UNC80: variants seen among roughly 807,000 people sequenced by gnomAD.
UNC80 encodes protein unc-80 homolog.
In UNC80, 164 loss-of-function variants were observed where a neutral mutation model predicts 384.6. The observed-to-expected ratio is 0.43, with a 90% CI of 0.38 to 0.49. The LOEUF is 0.49. Among genes scored for constraint, UNC80 ranks in the 20% least tolerant of loss-of-function variants. UNC80 has a pLI of 0.00. For synonymous variants in UNC80, 1,486 were observed against 1,527.8 expected (o/e 0.97, Z 0.64); for missense variants, 3,330 against 4,143.0 (o/e 0.80, Z 5.39).
chr2:209,782,789 A>G (rs1472018530), intron 4 of UNC80, among the ~76,000 whole-genome samples: 2 of 152,134 alleles, frequency 1.3e-5, no homozygotes, highest in Non-Finnish European at 2.9e-5. Context: ...CCTGTTTAAT[A>G]TATTATTAAT....
At chr2:209,859,496 G>A (rs1199226773) in intron 22 of UNC80, among the ~76,000 whole-genome samples, 1 of 152,116 alleles carries the variant, frequency 6.6e-6, no homozygotes, top group Non-Finnish European at 1.5e-5. Context: ...ATAAATATAC[G>A]TGTGCATGTG....
chr2:209,874,702 C>G (rs1369287381), intron 23 of UNC80, among the ~76,000 whole-genome samples: 3 of 152,200 alleles, frequency 2.0e-5, no homozygotes, highest in Non-Finnish European at 1.5e-5. Flanking sequence ...TAACTTACTT[C>G]AGGGTTACAT....
chr2:209,833,797 A>T (rs907805986), intron 16 of UNC80, among the ~76,000 whole-genome samples: 3 of 152,230 alleles, frequency 2.0e-5, no homozygotes, highest in Admixed American at 6.5e-5. Context: ...ACCAAGGATG[A>T]CCAGCAAAGG....
chr2:209,840,675 G>T (rs1559178379), intron 20 of UNC80, 27 bp downstream of exon 20: 2 of 1,529,362 alleles, frequency 1.3e-6, no homozygotes, highest in African/African-American at 1.4e-5. Flanking sequence ...TTGTGTAAGT[G>T]ACTGTTGAAG....
chr2:209,809,696 C>A (rs779958634), intron 7 of UNC80: 1 of 504,102 alleles, frequency 2.0e-6, no homozygotes, highest in Non-Finnish European at 3.5e-6. Flanking sequence ...GAATTCCCTC[C>A]TGAGCGCCCC....
intron 12 of UNC80, among the ~76,000 whole-genome samples, chr2:209,819,482 T>C (rs2079987507): frequency 6.6e-6 from 1 of 152,108 alleles, no homozygotes. Flanking sequence ...CTCAGAATAT[T>C]TTTATAATCC....
intron 48 of UNC80, among the ~76,000 whole-genome samples, chr2:209,955,874 G>A (rs1210806635): frequency 6.6e-6 from 1 of 151,054 alleles, no homozygotes; most frequent in East Asian, 2.0e-4. Flanking sequence ...CTCCCAAAAA[G>A]CTGGGATTAT....
Position 209,973,230 on chromosome 2 carries a change from G to A in UNC80, c.8547G>A (p.Arg2849=), listed in dbSNP as rs968262406. ...GGGATGCGGGGAAAGACTTGCGCAG[G>A]GAAGGGCTGGCTGAGTCCACCAGCC... ...TPGDAGKDLR[R]EGLAESTSQA... The change falls in exon 56 of 65, where the codon AGG becomes AGA. Residue 2849 remains arginine, a synonymous_variant. Coordinates refer to ENST00000673920, the MANE Select transcript of UNC80 (RefSeq NM_001371986.1). 22 of 1,551,542 alleles carry A rather than the reference G, an allele frequency of 1.4e-5. No homozygotes were observed. The highest frequency in any genetic ancestry group is 1.2e-4 in the Admixed American group (6 of 50,986).
intron 33 of UNC80, among the ~76,000 whole-genome samples, chr2:209,921,018 G>A (rs1487627347): frequency 6.6e-6 from 1 of 151,958 alleles, no homozygotes; most frequent in East Asian, 1.9e-4. Flanking sequence ...AGTAGAGATG[G>A]GGTTTCACCA....
intron 28 of UNC80, among the ~76,000 whole-genome samples, chr2:209,902,768 T>G (rs1006210745): frequency 2.6e-5 from 4 of 152,236 alleles, no homozygotes; most frequent in African/African-American, 9.6e-5. Flanking sequence ...CCTAATAGAC[T>G]ATGGTATAGT....
At chr2:209,833,965 T>A in intron 16 of UNC80, 37 bp from the exon 17 acceptor site, 1 of 1,544,672 alleles carries the variant, frequency 6.5e-7, no homozygotes, top group Non-Finnish European at 8.7e-7. Flanking sequence ...CACACAGCTA[T>A]CTTTCTTTCT....
chr2:209,816,818 G>T, intron 9 of UNC80, 91 bp from the exon 10 acceptor site: 1 of 1,174,282 alleles, frequency 8.5e-7, no homozygotes. Flanking sequence ...CACATTTCTT[G>T]TATTTTACTG....
intron 22 of UNC80, among the ~76,000 whole-genome samples, chr2:209,857,144 A>G (rs1033961531): frequency 6.6e-6 from 1 of 152,104 alleles, no homozygotes; most frequent in Non-Finnish European, 1.5e-5. Context: ...ACTCTGTATT[A>G]ATAGTTAGAA....
chr2:209,879,023 C>A (rs886859169), intron 24 of UNC80, among the ~76,000 whole-genome samples: 2 of 151,824 alleles, frequency 1.3e-5, no homozygotes, highest in Non-Finnish European at 2.9e-5. Flanking sequence ...TTCCTTTCCA[C>A]GTTCCTTCCA....
chr2:209,842,301 T>G, intron 20 of UNC80, 49 bp from the exon 21 acceptor site: 1 of 1,381,806 alleles, frequency 7.2e-7, no homozygotes, highest in African/African-American at 1.5e-5. Flanking sequence ...CCACAAAGAT[T>G]TACCTTTGAA....
rs115606549 is a variant in UNC80 at position 209,993,241 on chromosome 2, A to T, written c.9397-74A>T. ...AACAACCATAAGAATCCACAGAAAC[A>T]TATAAATAAAGAAACAATTTCCTCC... On this transcript the variant is annotated intron_variant, in intron 62 of 64. Coordinates refer to ENST00000673920, the MANE Select transcript of UNC80 (RefSeq NM_001371986.1). 4,558 of 1,144,694 alleles carry T rather than the reference A, an allele frequency of 4.0e-3. 165 individuals carry two copies. The African/African-American group carries it at 0.064, about 16-fold the overall frequency. The allele number at this position is 1,144,694 out of a possible 1,614,324, so 70.9% of individuals were successfully genotyped here.
At chr2:209,786,333 T>C (rs564158030) in intron 5 of UNC80, 144 bp downstream of exon 5, 1 of 1,069,698 alleles carries the variant, frequency 9.3e-7, no homozygotes, top group South Asian at 2.2e-5. Flanking sequence ...ATATAGGGCT[T>C]ACTCACATGA....
chr2:209,903,301 A>T (rs1315704076), intron 28 of UNC80, among the ~76,000 whole-genome samples: 3 of 104,310 alleles, frequency 2.9e-5, no homozygotes, highest in Non-Finnish European at 3.8e-5. Flanking sequence ...GTGTATATAC[A>T]ATATATATAT....
intron 22 of UNC80, among the ~76,000 whole-genome samples, chr2:209,868,563 T>C (rs1263305679): frequency 1.3e-5 from 2 of 152,148 alleles, no homozygotes; most frequent in Non-Finnish European, 2.9e-5. Context: ...TCTGCCTCAC[T>C]TTCATAAAGG....
Sources: gnomAD v4.1 joint callset for allele counts (sites outside exome capture counted in the v4.1 genomes callset) on GRCh38, gnomAD v4.1.1 for gene constraint, MANE v1.5 for transcripts, NCBI Gene and HGNC (gene_info 2026-07-23, HGNC 2026-07-21) for gene names.